STPG2: variants seen among roughly 807,000 people sequenced by gnomAD.
STPG2 encodes the protein sperm tail PG-rich repeat containing 2, also known as sperm-tail PG-rich repeat-containing protein 2.
A neutral mutation model predicts 54.2 loss-of-function variants in STPG2; 56 were observed. The observed-to-expected ratio is 1.03, with a 90% CI of 0.83 to 1.29. The LOEUF is 1.29. STPG2 is among the 50% of genes most tolerant of loss of function. The pLI, the probability that STPG2 is intolerant of heterozygous loss-of-function variation, is 0.00. For missense variants in STPG2, 596 were observed against 544.9 expected (o/e 1.09, Z -0.93); for synonymous variants, 200 against 181.8 (o/e 1.10, Z -0.81).
At chr4:97,456,912 T>TAAAAAAA (rs1166086887) in intron 4 of STPG2, among the ~76,000 whole-genome samples, 15 of 97,148 alleles carry the variant, frequency 1.5e-4, no homozygotes, top group African/African-American at 8.5e-4. Context: ...AAAAGAAAAT[T>TAAAAAAA]AAAAAAAAAA....
At chr4:97,909,029 AT>A (rs1731570647) in intron 8 of STPG2, among the ~76,000 whole-genome samples, 1 of 148,848 alleles carries the variant, frequency 6.7e-6, no homozygotes, top group Non-Finnish European at 1.5e-5. Flanking sequence ...AATAATAATA[AT>A]AATAATAATA....
intron 6 of STPG2, among the ~76,000 whole-genome samples, chr4:97,973,204 G>A (rs547877849): frequency 6.6e-5 from 10 of 152,304 alleles, no homozygotes; most frequent in East Asian, 1.9e-4. Flanking sequence ...CCAGGCTGAG[G>A]TGGCCTCAGA....
At chr4:97,677,807 A>G (rs1200579983) in intron 10 of STPG2, among the ~76,000 whole-genome samples, 1 of 152,156 alleles carries the variant, frequency 6.6e-6, no homozygotes, top group Non-Finnish European at 1.5e-5. Context: ...GAGCCTCCAT[A>G]TGAGCCTTAA....
chr4:97,995,681 G>A (rs1172029567), intron 5 of STPG2, among the ~76,000 whole-genome samples: 3 of 152,094 alleles, frequency 2.0e-5, no homozygotes, highest in Non-Finnish European at 4.4e-5. Context: ...GCTAAAGTGG[G>A]AGGAAGCTGG....
intron 8 of STPG2, among the ~76,000 whole-genome samples, chr4:97,908,325 A>G (rs1227704370): frequency 6.6e-6 from 1 of 152,000 alleles, no homozygotes; most frequent in African/African-American, 2.4e-5. Context: ...ATACCATCTC[A>G]CACCACTTAG....
intron 3 of STPG2, among the ~76,000 whole-genome samples, chr4:98,110,902 G>GACA (rs1739328628): frequency 6.6e-6 from 1 of 152,004 alleles, no homozygotes; most frequent in Non-Finnish European, 1.5e-5. Context: ...AGCAACATTA[G>GACA]TGACAAAAGC....
chr4:97,588,498 T>C (rs145076741), intron 10 of STPG2, among the ~76,000 whole-genome samples: 1 of 152,028 alleles, frequency 6.6e-6, no homozygotes. Flanking sequence ...TGAAAAGATA[T>C]TCTACCTTTA....
intron 4 of STPG2, among the ~76,000 whole-genome samples, chr4:97,445,588 C>T (rs551055950): frequency 1.3e-5 from 2 of 152,194 alleles, no homozygotes; most frequent in South Asian, 2.1e-4. Context: ...TCTTCAAAAT[C>T]TGGTATTCAT....
intron 8 of STPG2, among the ~76,000 whole-genome samples, chr4:97,928,149 C>A (rs1172805323): frequency 3.9e-5 from 6 of 152,062 alleles, no homozygotes; most frequent in Non-Finnish European, 7.4e-5. Context: ...TTGAGACTAC[C>A]CACTACAAGA....
At chr4:98,021,996 T>G (rs1736222132) in intron 5 of STPG2, among the ~76,000 whole-genome samples, 1 of 151,564 alleles carries the variant, frequency 6.6e-6, no homozygotes, top group African/African-American at 2.4e-5. Flanking sequence ...GTCTTTTAAT[T>G]GGAGCATATA....
chr4:98,061,491 A>C (rs1320263051), intron 5 of STPG2, among the ~76,000 whole-genome samples: 1 of 152,214 alleles, frequency 6.6e-6, no homozygotes, highest in Non-Finnish European at 1.5e-5. Flanking sequence ...ATCTGCCCCC[A>C]TGATCCAATC....
intron 7 of STPG2, among the ~76,000 whole-genome samples, chr4:97,965,178 AG>A (rs1734049154): frequency 6.6e-6 from 1 of 152,228 alleles, no homozygotes; most frequent in Admixed American, 6.5e-5. Flanking sequence ...CCGACAGACC[AG>A]GAGATTATCT....
chr4:97,981,293 G>T lies in STPG2; in HGVS notation c.638C>A (p.Thr213Asn), dbSNP rs1378464764. Residue 213 changes from threonine to asparagine, a missense_variant, in exon 6 of 11, where the codon ACC (threonine) becomes AAC (asparagine). By Grantham distance (65) the Thr-to-Asn change is moderately conservative. Coordinates refer to ENST00000295268, the MANE Select transcript of STPG2 (RefSeq NM_174952.3). ...KKRFLPMKSI[T>N]PAPGTYNEPR... ...TTCATTATATGTGCCAGGAGCCGGG[G>T]TGATTGATTTCATAGGTAAAAATCT... The T allele has an allele frequency of 6.2e-7, 1 of 1,613,974 alleles. No homozygotes were observed. Among genetic ancestry groups the T allele is most frequent in the South Asian group, 1.1e-5 (1 of 91,064 alleles).
At chr4:97,649,654 C>A (rs775705830) in intron 10 of STPG2, among the ~76,000 whole-genome samples, 3 of 152,080 alleles carry the variant, frequency 2.0e-5, no homozygotes, top group Non-Finnish European at 4.4e-5. Context: ...ACATTCAGAT[C>A]ACTGTCTTGA....
chr4:97,987,155 A>G, intron 5 of STPG2, among the ~76,000 whole-genome samples: 1 of 152,220 alleles, frequency 6.6e-6, no homozygotes, highest in East Asian at 1.9e-4. Flanking sequence ...AACAAACTTA[A>G]GAGCAGCAAA....
At chr4:97,932,909 T>C (rs558400544) in intron 8 of STPG2, among the ~76,000 whole-genome samples, 4 of 152,352 alleles carry the variant, frequency 2.6e-5, no homozygotes, top group Non-Finnish European at 5.9e-5. Context: ...GATCAATTGG[T>C]ATTCCTGGTT....
intron 10 of STPG2, among the ~76,000 whole-genome samples, chr4:97,700,782 AG>A: frequency 6.6e-6 from 1 of 152,366 alleles, no homozygotes; most frequent in East Asian, 1.9e-4. Flanking sequence ...TGGCCTTGCC[AG>A]CTGAAGGCAA....
chr4:97,919,539 T>C (rs1225389361), intron 8 of STPG2, among the ~76,000 whole-genome samples: 1 of 151,958 alleles, frequency 6.6e-6, no homozygotes, highest in Non-Finnish European at 1.5e-5. Flanking sequence ...AAGAGAATGT[T>C]ATGATTAACT....
chr4:97,459,136 C>CAAT (rs897325853), intron 4 of STPG2, among the ~76,000 whole-genome samples: 1 of 151,552 alleles, frequency 6.6e-6, no homozygotes, highest in Non-Finnish European at 1.5e-5. Flanking sequence ...ATATATTCTC[C>CAAT]AATAATAATA....
Sources: gnomAD v4.1 joint callset for allele counts (sites outside exome capture counted in the v4.1 genomes callset) on GRCh38, gnomAD v4.1.1 for gene constraint, MANE v1.5 for transcripts, NCBI Gene and HGNC (gene_info 2026-07-23, HGNC 2026-07-21) for gene names.